The following SUMF1 variants were observed in gnomAD, a reference collection of about 807,000 sequenced individuals.
SUMF1 encodes formylglycine-generating enzyme.
SUMF1 carries 48 observed loss-of-function variants against 47.6 expected under a neutral mutation model. The observed-to-expected ratio is 1.01, with a 90% confidence interval of 0.80 to 1.28. The LOEUF is 1.28. SUMF1 is among the 50% of genes most tolerant of loss of function. The probability of loss-of-function intolerance (pLI) is 0.00; values close to 1 mark genes in which losing one functional copy is unlikely to be tolerated. For missense variants in SUMF1, 571 were observed against 485.4 expected (o/e 1.18, Z -1.66); for synonymous variants, 230 against 192.1 (o/e 1.20, Z -1.63).
intron 8 of SUMF1, among the ~76,000 whole-genome samples, chr3:4,346,817 C>T (rs774149835): frequency 1.3e-5 from 2 of 152,018 alleles, no homozygotes; most frequent in Non-Finnish European, 2.9e-5. Flanking sequence ...AGAGAAGAAT[C>T]AAATAGATGC....
chr3:4,175,575 G>C (rs1694940411), intron 8 of SUMF1, among the ~76,000 whole-genome samples: 1 of 152,282 alleles, frequency 6.6e-6, no homozygotes, highest in African/African-American at 2.4e-5. Context: ...AAACCACAAA[G>C]ATGGGGAGAA....
At chr3:4,054,917 G>A (rs1460509357) in intron 9 of SUMF1, among the ~76,000 whole-genome samples, 3 of 152,148 alleles carry the variant, frequency 2.0e-5, no homozygotes, top group Non-Finnish European at 4.4e-5. Context: ...AATTGAGACT[G>A]AGAAATGTTA....
At chr3:4,148,477 T>G (rs1559511414) in intron 8 of SUMF1, among the ~76,000 whole-genome samples, 1 of 152,184 alleles carries the variant, frequency 6.6e-6, no homozygotes, top group Non-Finnish European at 1.5e-5. Flanking sequence ...AGTCATTTTA[T>G]GTCCATATGT....
intron 8 of SUMF1, among the ~76,000 whole-genome samples, chr3:4,253,668 G>C (rs917106578): frequency 6.6e-6 from 1 of 151,706 alleles, no homozygotes; most frequent in African/African-American, 2.4e-5. Flanking sequence ...ACTGCAAGGC[G>C]GCAGCGAGGC....
At chr3:4,321,744 C>T (rs537054324) in intron 8 of SUMF1, among the ~76,000 whole-genome samples, 2 of 151,956 alleles carry the variant, frequency 1.3e-5, no homozygotes, top group African/African-American at 4.8e-5. Flanking sequence ...TATTTCTGCC[C>T]ACGAAAAGGG....
At position 4,121,010 on chromosome 3, in the gene SUMF1, C is replaced by G. The variant is rs374315794; in HGVS notation, c.1015-52265G>C. On this transcript the variant is annotated intron_variant and NMD_transcript_variant, in intron 8 of 12. Coordinates refer to the SUMF1 transcript ENST00000448413. ...ATAGCTGATAACAGATAGGAAATAA[C>G]TGAACTAGAAGAAGAACTTACTTTA... is the stretch of plus-strand genomic sequence containing the variant. Among the ~76,000 whole-genome samples, 13 of 152,188 alleles carry G rather than the reference C, an allele frequency of 8.5e-5. 2 individuals are homozygous for G. Among genetic ancestry groups the G allele is most frequent in the Admixed American group, 6.5e-5 (1 of 15,280 alleles).
chr3:4,103,612 G>A (rs1040973386), intron 8 of SUMF1, among the ~76,000 whole-genome samples: 12 of 152,124 alleles, frequency 7.9e-5, no homozygotes, highest in Non-Finnish European at 1.2e-4. Flanking sequence ...AGTAATTGCA[G>A]CTTGACTTTC....
At chr3:4,217,512 T>TATATATATATATATATA (rs1559577944) in intron 8 of SUMF1, among the ~76,000 whole-genome samples, 4 of 47,514 alleles carry the variant, frequency 8.4e-5, no homozygotes, top group African/African-American at 3.4e-4. Flanking sequence ...TTAAAGTATT[T>TATATATATATATATATA]TTTATATATA....
chr3:4,347,067 G>C (rs1311545259), intron 8 of SUMF1, among the ~76,000 whole-genome samples: 1 of 152,148 alleles, frequency 6.6e-6, no homozygotes, highest in Non-Finnish European at 1.5e-5. Flanking sequence ...AAAAAGCCCA[G>C]GACCAGACAG....
At chr3:4,344,368 T>C (rs1263205214) in intron 8 of SUMF1, among the ~76,000 whole-genome samples, 1 of 152,060 alleles carries the variant, frequency 6.6e-6, no homozygotes, top group East Asian at 1.9e-4. Flanking sequence ...GAGTGACATC[T>C]CCAGGCACAG....
intron 8 of SUMF1, among the ~76,000 whole-genome samples, chr3:4,100,442 G>C (rs1020293914): frequency 6.6e-6 from 1 of 151,950 alleles, no homozygotes; most frequent in Admixed American, 6.6e-5. Context: ...ATGGGGAAAA[G>C]ATGGTCTCGT....
intron 8 of SUMF1, among the ~76,000 whole-genome samples, chr3:4,177,527 C>T (rs1169668464): frequency 6.6e-6 from 1 of 152,120 alleles, no homozygotes; most frequent in Non-Finnish European, 1.5e-5. Flanking sequence ...ATCTCTGGGA[C>T]ACATTTAAAG....
intron 3 of SUMF1, among the ~76,000 whole-genome samples, chr3:4,433,000 C>T (rs1005941253): frequency 6.6e-6 from 1 of 152,122 alleles, no homozygotes; most frequent in East Asian, 1.9e-4. Flanking sequence ...TTTTGTGCCA[C>T]TTCGTGGGCC....
chr3:4,040,850 T>C (rs950794794), intron 9 of SUMF1, among the ~76,000 whole-genome samples: 12 of 152,178 alleles, frequency 7.9e-5, no homozygotes, highest in Non-Finnish European at 1.6e-4. Flanking sequence ...AACATTTTTA[T>C]TGAACTCTTT....
At chr3:4,433,337 G>C (rs1702295871) in intron 3 of SUMF1, among the ~76,000 whole-genome samples, 1 of 152,186 alleles carries the variant, frequency 6.6e-6, no homozygotes, top group Non-Finnish European at 1.5e-5. Context: ...CACTCATTCA[G>C]ATCAGGTGTC....
intron 8 of SUMF1, among the ~76,000 whole-genome samples, chr3:4,368,166 A>T (rs1700043345): frequency 6.6e-6 from 1 of 152,242 alleles, no homozygotes; most frequent in Non-Finnish European, 1.5e-5. Context: ...CCCATGAAAA[A>T]GTGGGCGAAG....
At chr3:4,079,500 A>G (rs1352083589) in intron 8 of SUMF1, among the ~76,000 whole-genome samples, 1 of 151,854 alleles carries the variant, frequency 6.6e-6, no homozygotes, top group Admixed American at 6.6e-5. Flanking sequence ...GCTCTTAGGA[A>G]TATGGGCTCT....
chr3:4,074,184 C>T (rs755838795), intron 8 of SUMF1, among the ~76,000 whole-genome samples: 8 of 152,144 alleles, frequency 5.3e-5, no homozygotes, highest in Non-Finnish European at 8.8e-5. Context: ...GATTAAGAAA[C>T]TCACTCAAAA....
chr3:4,407,002 G>A (rs192586959), intron 7 of SUMF1, among the ~76,000 whole-genome samples: 9 of 152,154 alleles, frequency 5.9e-5, no homozygotes, highest in African/African-American at 1.9e-4. Context: ...ATACATCACA[G>A]CACTGGCCAT....
Sources: gnomAD v4.1 joint callset for allele counts (sites outside exome capture counted in the v4.1 genomes callset) on GRCh38, gnomAD v4.1.1 for gene constraint, MANE v1.5 for transcripts, NCBI Gene and HGNC (gene_info 2026-07-23, HGNC 2026-07-21) for gene names.